EFTUD2: variants seen among roughly 807,000 people sequenced by gnomAD.
The protein encoded by EFTUD2 is 116 kDa U5 small nuclear ribonucleoprotein component.
Under a neutral mutation model 114.3 loss-of-function variants are expected in EFTUD2, and 9 were observed. That is an observed-to-expected ratio of 0.08 (90% CI 0.05 to 0.14). The LOEUF (loss-of-function observed/expected upper bound fraction) is 0.14. Ranked by LOEUF, EFTUD2 falls within the 10% of genes least tolerant of loss-of-function variation. EFTUD2 has a pLI of 1.00. For synonymous variants in EFTUD2, 449 were observed against 462.3 expected (o/e 0.97, Z 0.37); for missense variants, 765 against 1,241.2 (o/e 0.62, Z 5.76).
chr17:44,867,173 T>C (rs2050761045), intron 13 of EFTUD2, among the ~76,000 whole-genome samples: 1 of 152,194 alleles, frequency 6.6e-6, no homozygotes, highest in South Asian at 2.1e-4. Context: ...ATTATATCTG[T>C]AAGTTAAATT....
rs1252829895 is a variant in EFTUD2 at position 44,850,459 on chromosome 17, A to G, written c.*815T>C. On this transcript the variant is annotated 3_prime_UTR_variant, in exon 28 of 28. Coordinates refer to ENST00000426333, the MANE Select transcript of EFTUD2 (RefSeq NM_004247.4). ...CTCAATCCCTGGTACATTCCTAATA[A>G]AGCAGTTTTGAGGAAAATCAACAGA... is the stretch of plus-strand genomic sequence containing the variant. The G allele has an allele frequency of 7.8e-7, 1 of 1,280,286 alleles. No individual in the cohort carries two copies. Among genetic ancestry groups the G allele is most frequent in the African/African-American group, 1.5e-5 (1 of 68,726 alleles). 79.3% of individuals were successfully genotyped at this position (1,280,286 alleles called of 1,614,324 possible). A position where few individuals can be genotyped will look rare whatever the true frequency, so the allele number is the denominator to read the frequency against.
chr17:44,880,051 C>CAGGA (rs1436915028), intron 8 of EFTUD2, among the ~76,000 whole-genome samples: 1 of 152,156 alleles, frequency 6.6e-6, no homozygotes, highest in Admixed American at 6.6e-5. Flanking sequence ...TGAGAGGTAT[C>CAGGA]AGGACACTGG....
intron 13 of EFTUD2, among the ~76,000 whole-genome samples, chr17:44,867,515 G>C (rs2050770107): frequency 6.6e-6 from 1 of 151,802 alleles, no homozygotes; most frequent in Non-Finnish European, 1.5e-5. Context: ...GCCTAGGCTG[G>C]TCTCAAGCTC....
At chr17:44,853,442 T>C (rs1237970335) in intron 24 of EFTUD2, 52 bp from the exon 25 acceptor site, 1 of 1,612,440 alleles carries the variant, frequency 6.2e-7, no homozygotes, top group South Asian at 1.1e-5. Flanking sequence ...GCTGGGGGCC[T>C]ATAGTCCCAC....
intron 2 of EFTUD2, among the ~76,000 whole-genome samples, chr17:44,889,835 C>T (rs1436366283): frequency 6.6e-6 from 1 of 152,140 alleles, no homozygotes; most frequent in Non-Finnish European, 1.5e-5. Context: ...AGCTATCAAG[C>T]CAGTTTTCTC....
At chr17:44,877,821 C>G (rs1597813324) in intron 9 of EFTUD2, among the ~76,000 whole-genome samples, 1 of 91,378 alleles carries the variant, frequency 1.1e-5, no homozygotes, top group African/African-American at 3.2e-5. Context: ...AACAAAACAA[C>G]AACAACAACA....
rs2145438512 is a variant in EFTUD2 at position 44,854,691 on chromosome 17, G to A, written c.2133-9C>T. The A allele has an allele frequency of 1.9e-6, 3 of 1,611,490 alleles. No homozygotes were observed. Among genetic ancestry groups the A allele is most frequent in the Non-Finnish European group, 1.7e-6 (2 of 1,178,296 alleles). On this transcript the variant is annotated splice_polypyrimidine_tract_variant and intron_variant, in intron 21 of 27. Coordinates refer to ENST00000426333, the MANE Select transcript of EFTUD2 (RefSeq NM_004247.4). This position sits in a 1 kb window ranked among gnomAD's most constrained non-coding sequence, Gnocchi z 4.3. Reference sequence around the variant, plus strand: ...ACTCTCCCAGCTTCTTCCTGGGGAAGGGAGGAGACAATGGAGCTGTCAGCC... The same window carrying A: ...ACTCTCCCAGCTTCTTCCTGGGGAAAGGAGGAGACAATGGAGCTGTCAGCC...
Position 44,851,303 on chromosome 17 carries a change from G to C in EFTUD2, c.2890C>G (p.Gln964Glu). The C allele has an allele frequency of 6.2e-7, 1 of 1,614,200 alleles. No individual in the cohort carries two copies. Among genetic ancestry groups the C allele is most frequent in the Non-Finnish European group, 8.5e-7 (1 of 1,180,026 alleles). The change falls in exon 28 of 28, where the codon CAG (glutamine) becomes GAG (glutamate). Residue 964 changes from glutamine (Q) to glutamate (E), a missense_variant. Around this residue, in one of 6 missense-constraint regions of EFTUD2, gnomAD observed 166 missense variants for 401.5 expected, o/e 0.41. Transcript: ENST00000426333. ...ATGGGGTAATTGAGCACAACATCCT[G>C]TTTGGCAAGTTCCAGCAACATAGGA... ...DDPMLLELAKQDVVLNYPM is the reference protein window; with the variant it reads ...DDPMLLELAKEDVVLNYPM
intron 6 of EFTUD2, 123 bp from the exon 7 acceptor site, chr17:44,881,845 A>C (rs1240401915): frequency 6.9e-6 from 6 of 869,880 alleles, no homozygotes; most frequent in Admixed American, 4.1e-5. Flanking sequence ...AGAGAGAGAG[A>C]GAGCAGGGTG....
intron 2 of EFTUD2, among the ~76,000 whole-genome samples, chr17:44,887,217 G>A (rs939338520): frequency 3.3e-5 from 5 of 152,188 alleles, no homozygotes; most frequent in Non-Finnish European, 7.3e-5. Context: ...CTCCCACACT[G>A]CTGATGGGAA....
Position 44,880,982 on chromosome 17 carries a change from A to C in EFTUD2, c.529-338T>G, listed in dbSNP as rs2051062417. ...AGCACCTTGAAAGTAAAAAGAAACA[A>C]TCTGGGGTATTTTAGTTTTTTTTTA... On this transcript the variant is annotated intron_variant, in intron 7 of 27. Transcript: ENST00000426333. 5.9e-5 allele frequency among the ~76,000 whole-genome samples: 9 copies of C among 152,226 alleles called. 1 individual carries two copies. In the South Asian group the frequency reaches 1.9e-3, roughly 32 times the overall value.
At chr17:44,888,071 C>T (rs1264658582) in intron 2 of EFTUD2, among the ~76,000 whole-genome samples, 3 of 151,682 alleles carry the variant, frequency 2.0e-5, no homozygotes, top group Non-Finnish European at 2.9e-5. Flanking sequence ...CTACAGGTAC[C>T]TGGGGAAGAG....
At position 44,883,602 on chromosome 17, in the gene EFTUD2, G is replaced by A. The variant is rs755621364; in HGVS notation, c.426+47C>T. 9 of 1,564,508 alleles carry A rather than the reference G, an allele frequency of 5.8e-6. No individual in the cohort carries two copies. In the South Asian group the frequency reaches 7.8e-5, roughly 14 times the overall value. On this transcript the variant is annotated intron_variant, in intron 5 of 27. Coordinates refer to ENST00000426333, the MANE Select transcript of EFTUD2 (RefSeq NM_004247.4). ...ACTCTAAGGGCTAAAACATGAGCAG[G>A]TACAAAAGAGAAATCCTGTTCCAAG... is the stretch of plus-strand genomic sequence containing the variant.
chr17:44,855,207 G>A (rs1375860769), intron 20 of EFTUD2, among the ~76,000 whole-genome samples: 2 of 152,156 alleles, frequency 1.3e-5, no homozygotes, highest in African/African-American at 4.8e-5. Context: ...ATTTGAGGCT[G>A]CAGTGAGCTA....
intron 6 of EFTUD2, 105 bp downstream of exon 6, chr17:44,882,988 G>T: frequency 9.8e-7 from 1 of 1,016,050 alleles, no homozygotes; most frequent in Non-Finnish European, 1.4e-6. Flanking sequence ...CACTTTGGAG[G>T]CGTCATTATT....
chr17:44,868,595 G>A, intron 11 of EFTUD2: 1 of 486,772 alleles, frequency 2.1e-6, no homozygotes, highest in Non-Finnish European at 3.7e-6. Flanking sequence ...TCTCCACCAA[G>A]CACTAGGATT....
At chr17:44,886,462 A>G (rs2051174903) in intron 3 of EFTUD2, 123 bp downstream of exon 3, 3 of 1,483,062 alleles carry the variant, frequency 2.0e-6, no homozygotes, top group East Asian at 4.6e-5. Context: ...AACCAGAAAC[A>G]GTACCTGAAG....
Position 44,854,862 on chromosome 17 carries a change from T to C in EFTUD2, c.2132+56A>G. On this transcript the variant is annotated intron_variant, in intron 21 of 27. Transcript: ENST00000426333. The surrounding 1 kb of genome is among the most constrained non-coding windows in gnomAD (Gnocchi z 4.3). ...ATGTGTGCTCTTAGAGACCCGGCAGTTAAACTGTGGCATCCCTGCCTCCTT... is the reference window on the plus strand; with the variant it reads ...ATGTGTGCTCTTAGAGACCCGGCAGCTAAACTGTGGCATCCCTGCCTCCTT... 2 of 1,586,422 alleles carry C rather than the reference T, an allele frequency of 1.3e-6. No individual in the cohort carries two copies. Among genetic ancestry groups the C allele is most frequent in the Non-Finnish European group, 1.7e-6 (2 of 1,155,362 alleles).
intron 1 of EFTUD2, among the ~76,000 whole-genome samples, chr17:44,898,565 C>T (rs567350243): frequency 6.6e-6 from 1 of 152,182 alleles, no homozygotes. Context: ...ACAAGCCAAG[C>T]TCATTTCTGC....
Sources: allele counts gnomAD v4.1 joint callset (sites outside exome capture counted in the v4.1 genomes callset), GRCh38; gene constraint gnomAD v4.1.1; regional missense constraint gnomAD v4.1.1; non-coding constraint Gnocchi (gnomAD v3.1); transcripts MANE v1.5; gene names NCBI Gene and HGNC (gene_info 2026-07-23, HGNC 2026-07-21).